EDIL3: variants seen among roughly 807,000 people sequenced by gnomAD.
EDIL3 encodes the protein EGF like and discoidin domains 3, also known as EGF-like repeat and discoidin I-like domain-containing protein 3.
Under a neutral mutation model 67.4 loss-of-function variants are expected in EDIL3, and 37 were observed. That is an observed-to-expected ratio of 0.55 (90% CI 0.42 to 0.72). The LOEUF is 0.72. Among genes scored for constraint, EDIL3 ranks in the 30% least tolerant of loss-of-function variants. The pLI, the probability that EDIL3 is intolerant of heterozygous loss-of-function variation, is 0.00. For missense variants in EDIL3, 527 were observed against 586.3 expected (o/e 0.90, Z 1.04); for synonymous variants, 195 against 196.3 (o/e 0.99, Z 0.05).
chr5:83,991,810 T>A (rs1745155941), intron 9 of EDIL3, among the ~76,000 whole-genome samples: 1 of 152,114 alleles, frequency 6.6e-6, no homozygotes, highest in South Asian at 2.1e-4. Flanking sequence ...CCGTTTTTCC[T>A]CCTGCTACCT....
intron 1 of EDIL3, among the ~76,000 whole-genome samples, chr5:84,319,465 A>AC (rs1746581159): frequency 1.1e-5 from 1 of 90,060 alleles, no homozygotes; most frequent in Non-Finnish European, 2.4e-5. Context: ...CTCCGTCTCA[A>AC]AAAAAAAAAA....
chr5:84,371,417 G>GTA (rs1442082773), intron 1 of EDIL3, among the ~76,000 whole-genome samples: 1 of 132,516 alleles, frequency 7.5e-6, no homozygotes, highest in Non-Finnish European at 1.6e-5. Flanking sequence ...GTGTATATGT[G>GTA]TATATATATG....
intron 4 of EDIL3, among the ~76,000 whole-genome samples, chr5:84,139,241 G>A (rs1286814940): frequency 2.3e-5 from 3 of 129,748 alleles, no homozygotes; most frequent in African/African-American, 5.6e-5. Context: ...TGTCTCGGGG[G>A]AAAAAAAGTA....
chr5:84,265,769 T>C (rs1318363686), intron 1 of EDIL3, among the ~76,000 whole-genome samples: 1 of 152,214 alleles, frequency 6.6e-6, no homozygotes, highest in Admixed American at 6.5e-5. Flanking sequence ...TTAACAAACA[T>C]GGAATCTGTT....
intron 9 of EDIL3, among the ~76,000 whole-genome samples, chr5:83,974,508 A>C (rs1458094666): frequency 6.6e-6 from 1 of 152,018 alleles, no homozygotes; most frequent in Admixed American, 6.6e-5. Flanking sequence ...TTCAAAGATC[A>C]GAGTATACAT....
chr5:83,976,002 G>C (rs1374926387), intron 9 of EDIL3, among the ~76,000 whole-genome samples: 3 of 151,782 alleles, frequency 2.0e-5, no homozygotes, highest in Admixed American at 1.3e-4. Context: ...TATTACCTTA[G>C]GAATTAGAAT....
chr5:84,382,362 A>G (rs959093448), intron 1 of EDIL3, among the ~76,000 whole-genome samples: 3 of 152,180 alleles, frequency 2.0e-5, no homozygotes, highest in Non-Finnish European at 4.4e-5. Context: ...GGCTGCAGCG[A>G]GCCGGGACTT....
chr5:84,328,748 C>T (rs923764768), intron 1 of EDIL3, among the ~76,000 whole-genome samples: 2 of 151,876 alleles, frequency 1.3e-5, no homozygotes, highest in South Asian at 4.1e-4. Flanking sequence ...AGTTCCCTAA[C>T]TGAGGTAAAA....
At chr5:84,368,030 C>T (rs1408568286) in intron 1 of EDIL3, among the ~76,000 whole-genome samples, 1 of 152,092 alleles carries the variant, frequency 6.6e-6, no homozygotes, top group Admixed American at 6.5e-5. Context: ...TGCCTCCCTA[C>T]CTAGGCAAAA....
chr5:84,037,658 G>T (rs1412478822), intron 9 of EDIL3, among the ~76,000 whole-genome samples: 1 of 151,986 alleles, frequency 6.6e-6, no homozygotes, highest in Non-Finnish European at 1.5e-5. Flanking sequence ...TTTAATTAAT[G>T]ACGTTATTTA....
chr5:84,008,805 G>T (rs1745469422), intron 9 of EDIL3, among the ~76,000 whole-genome samples: 1 of 151,898 alleles, frequency 6.6e-6, no homozygotes, highest in African/African-American at 2.4e-5. Flanking sequence ...TTTTTGTTTT[G>T]TTTTGTTTTG....
intron 9 of EDIL3, among the ~76,000 whole-genome samples, chr5:83,987,744 CTA>C (rs1163431817): frequency 1.3e-5 from 2 of 151,946 alleles, no homozygotes; most frequent in Non-Finnish European, 2.9e-5. Flanking sequence ...TGTATCTTTG[CTA>C]TAGTCTCTGA....
chr5:84,059,841 G>C (rs898467690), intron 9 of EDIL3, among the ~76,000 whole-genome samples: 1 of 152,150 alleles, frequency 6.6e-6, no homozygotes, highest in African/African-American at 2.4e-5. Flanking sequence ...TTTTGAGAAT[G>C]TAATCAAATA....
At position 84,207,332 on chromosome 5, in the gene EDIL3, CTT is replaced by C. The variant is rs1281439386; in HGVS notation, c.226+22521_226+22522del. On this transcript the variant is annotated intron_variant, in intron 3 of 10. Transcript: ENST00000296591. Reference sequence around the variant, plus strand: ...GAGAATAAAATACTTAGGAATCCAACTTACAAGGGACGTGAAGGACCTCTTCA... The same window carrying C: ...GAGAATAAAATACTTAGGAATCCAACACAAGGGACGTGAAGGACCTCTTCA... 2.0e-5 allele frequency among the ~76,000 whole-genome samples: 3 copies of C among 152,146 alleles called. No individual in the cohort carries two copies. The East Asian group carries it at 5.8e-4, about 29-fold the overall frequency.
At chr5:84,210,649 C>T (rs949662942) in intron 3 of EDIL3, among the ~76,000 whole-genome samples, 2 of 151,962 alleles carry the variant, frequency 1.3e-5, no homozygotes, top group Non-Finnish European at 2.9e-5. Context: ...TTACCCATAA[C>T]TCACTTCTTA....
chr5:84,053,434 G>A (rs375799187), intron 9 of EDIL3, among the ~76,000 whole-genome samples: 1 of 151,920 alleles, frequency 6.6e-6, no homozygotes, highest in Admixed American at 6.6e-5. Context: ...CAAAAGCTAG[G>A]AGAAGGCAAG....
intron 1 of EDIL3, among the ~76,000 whole-genome samples, chr5:84,381,712 G>A (rs1748077969): frequency 6.6e-6 from 1 of 152,128 alleles, no homozygotes; most frequent in African/African-American, 2.4e-5. Flanking sequence ...GCAGGCACAG[G>A]GACAGATTGC....
chr5:84,087,402 T>G (rs1341027888), intron 6 of EDIL3, among the ~76,000 whole-genome samples: 2 of 152,212 alleles, frequency 1.3e-5, no homozygotes, highest in African/African-American at 4.8e-5. Flanking sequence ...AACATCCTCT[T>G]CCTTCACCAT....
At chr5:84,208,953 T>A (rs186611095) in intron 3 of EDIL3, among the ~76,000 whole-genome samples, 1 of 152,132 alleles carries the variant, frequency 6.6e-6, no homozygotes, top group African/African-American at 2.4e-5. Context: ...TTATTCACAA[T>A]AGCAAAGACT....
Sources: allele counts gnomAD v4.1 joint callset (sites outside exome capture counted in the v4.1 genomes callset), GRCh38; gene constraint gnomAD v4.1.1; transcripts MANE v1.5; gene names NCBI Gene and HGNC (gene_info 2026-07-23, HGNC 2026-07-21).